Variants in MBOAT7 observed in about 807,000 individuals in gnomAD.
The protein encoded by MBOAT7 is membrane-bound acylglycerophosphatidylinositol O-acyltransferase MBOAT7.
Under a neutral mutation model 47.4 loss-of-function variants are expected in MBOAT7, and 40 were observed. The observed-to-expected ratio is 0.84, with a 90% CI of 0.66 to 1.10. The LOEUF (loss-of-function observed/expected upper bound fraction) is 1.10. Ranked by LOEUF, MBOAT7 falls within the 50% of genes least tolerant of loss-of-function variation. MBOAT7 has a pLI of 0.00. For synonymous variants in MBOAT7, 361 were observed against 292.0 expected, an observed-to-expected ratio of 1.24 and a Z score of -2.41; for missense variants, 680 against 655.6, an observed-to-expected ratio of 1.04 and a Z score of -0.41.
Position 54,188,455 on chromosome 19 carries a change from G to A in MBOAT7, c.54C>T (p.Ile18=). 6.4e-7 allele frequency: 1 copy of A among 1,557,916 alleles called. No homozygotes were observed. The highest frequency in any genetic ancestry group is 8.7e-7 in the Non-Finnish European group (1 of 1,149,950). The change falls in exon 2 of 8, where the codon ATC becomes ATT. Residue 18 remains isoleucine, a synonymous_variant. Coordinates refer to ENST00000245615, the MANE Select transcript of MBOAT7 (RefSeq NM_024298.5). ...CACCGGCTTTCTTAAAGAGGAAGCC[G>A]ATGGGGATGGAGATAAGAAGAACCA... ...YLVVLLISIP[I]GFLFKKAGPG...
intron 3 of MBOAT7, 79 bp downstream of exon 3, chr19:54,188,138 C>T (rs1272686553): frequency 7.0e-7 from 1 of 1,433,398 alleles, no homozygotes; most frequent in Non-Finnish European, 9.4e-7. Flanking sequence ...GAGGCAGAAG[C>T]TGAAAAAGAC....
At chr19:54,189,029 A>AC (rs1489227337) in intron 1 of MBOAT7, among the ~76,000 whole-genome samples, 1 of 103,376 alleles carries the variant, frequency 9.7e-6, no homozygotes, top group Non-Finnish European at 2.1e-5. Flanking sequence ...AGATATCCGG[A>AC]CCCCCCAGCC....
chr19:54,174,083 C>A lies in MBOAT7; in HGVS notation c.1380G>T (p.Gln460His). 1 of 1,606,484 alleles carries A rather than the reference C, an allele frequency of 6.2e-7. No homozygotes were observed. Among genetic ancestry groups the A allele is most frequent in the Non-Finnish European group, 8.5e-7 (1 of 1,177,348 alleles). The change falls in exon 8 of 8, where the codon CAG becomes CAT. Residue 460 changes from glutamine to histidine, a missense_variant. Coordinates refer to ENST00000245615, the MANE Select transcript of MBOAT7 (RefSeq NM_024298.5). ...GCTTCTCCGGGGCAAGGCTGGTGGG[C>A]TGGGATGCTGCCTTCCGCCGGCTGG... is the stretch of plus-strand genomic sequence containing the variant. ...GSPSRRKAAS[Q>H]PTSLAPEKLR... is the part of the protein sequence containing the mutation.
Position 54,174,416 on chromosome 19 carries a change from C to T in MBOAT7, c.1047G>A (p.Met349Ile). The change falls in exon 8 of 8, where the codon ATG (methionine) becomes ATA (isoleucine). Residue 349 changes from methionine to isoleucine, a missense_variant. Physicochemically the swap from Met to Ile is conservative, Grantham distance 10. Coordinates refer to ENST00000245615, the MANE Select transcript of MBOAT7 (RefSeq NM_024298.5). ...RSYVLRSAWT[M>I]LLSAYWHGLH... ...GGCCGTGCCAGTAGGCGCTCAGCAG[C>T]ATGGTCCAGGCGCTCCTGAGGAGGA... The T allele has an allele frequency of 3.2e-6, 5 of 1,581,422 alleles. No individual in the cohort carries two copies. The highest frequency in any genetic ancestry group is 4.3e-6 in the Non-Finnish European group (5 of 1,163,518).
chr19:54,183,468 G>A (rs763642286), intron 5 of MBOAT7, 53 bp downstream of exon 5: 60 of 1,580,238 alleles, frequency 3.8e-5, no homozygotes, highest in Non-Finnish European at 3.0e-5. Context: ...CACTCAGGGC[G>A]GAAGGGGACA....
chr19:54,178,641 AC>A, intron 7 of MBOAT7, 123 bp downstream of exon 7: 1 of 1,456,498 alleles, frequency 6.9e-7, no homozygotes, highest in South Asian at 1.4e-5. Context: ...ACCAGGCTAA[AC>A]AAACTACAAT....
At position 54,183,554 on chromosome 19, in the gene MBOAT7, T is replaced by C. The variant is rs1172237268; in HGVS notation, c.460A>G (p.Ser154Gly). 6.2e-7 allele frequency: 1 copy of C among 1,608,276 alleles called. No individual in the cohort carries two copies. Among genetic ancestry groups the C allele is most frequent in the South Asian group, 1.1e-5 (1 of 89,884 alleles). ...ATTCCCACGTAGCAGTAGCTGTAGC[T>C]GAGTGTCTCCATCAGGGAGGGCACG... ...PDVPSLMETL[S>G]YSYCYVGIMT... Residue 154 changes from serine to glycine, a missense_variant, in exon 5 of 8, where the codon AGC (serine) becomes GGC (glycine). Physicochemically the swap from Ser to Gly is moderately conservative, Grantham distance 56. Transcript: ENST00000245615.
intron 7 of MBOAT7, 195 bp downstream of exon 7, chr19:54,178,570 C>T: frequency 4.9e-6 from 7 of 1,426,004 alleles, no homozygotes; most frequent in Non-Finnish European, 6.4e-6. Flanking sequence ...GCAACTGAGG[C>T]CCCGAGAGGG....
At position 54,188,199 on chromosome 19, in the gene MBOAT7, C is replaced by T. The variant is rs759244938; in HGVS notation, c.206+18G>A. On this transcript the variant is annotated intron_variant, in intron 3 of 7. Transcript: ENST00000245615. ...CCTCTCCCCTCCTCTCCCTCTCCTCCCTCCACCAAATTCTCACCAGGGCTG... is the reference window on the plus strand; with the variant it reads ...CCTCTCCCCTCCTCTCCCTCTCCTCTCTCCACCAAATTCTCACCAGGGCTG... The T allele has an allele frequency of 6.3e-6, 10 of 1,588,550 alleles. No individual in the cohort carries two copies. The South Asian group carries it at 7.9e-5, about 13-fold the overall frequency.
chr19:54,180,752 G>T lies in MBOAT7; in HGVS notation c.854+21C>A. ...GGTGGGGGCTGCTGGGTCTTGGGAA[G>T]CCTCCCTCGCGCCGCCTGACCTGCT... On this transcript the variant is annotated intron_variant, in intron 6 of 7. Transcript: ENST00000245615. The surrounding 1 kb of genome is among the most constrained non-coding windows in gnomAD (Gnocchi z 5.2). The T allele has an allele frequency of 6.7e-7, 1 of 1,484,916 alleles. No homozygotes were observed. The highest frequency in any genetic ancestry group is 8.9e-7 in the Non-Finnish European group (1 of 1,125,192). 92.0% of individuals were successfully genotyped at this position (1,484,916 alleles called of 1,614,324 possible). A position where few individuals can be genotyped will look rare whatever the true frequency, so the allele number is the denominator to read the frequency against.
At chr19:54,175,120 C>T (rs535276599) in intron 7 of MBOAT7, among the ~76,000 whole-genome samples, 23 of 151,920 alleles carry the variant, frequency 1.5e-4, no homozygotes, top group Middle Eastern at 3.4e-3. Flanking sequence ...GGACTACAGG[C>T]GCCTGCCACC....
intron 1 of MBOAT7, among the ~76,000 whole-genome samples, chr19:54,188,927 G>A (rs751344288): frequency 2.0e-5 from 3 of 151,474 alleles, no homozygotes; most frequent in Non-Finnish European, 4.4e-5. Context: ...CGACAGCCCA[G>A]GAATCTAGAC....
At position 54,180,693 on chromosome 19, in the gene MBOAT7, C is replaced by G. The variant is rs1182802201; in HGVS notation, c.854+80G>C. On this transcript the variant is annotated intron_variant, in intron 6 of 7. Transcript: ENST00000245615. The surrounding 1 kb of genome is among the most constrained non-coding windows in gnomAD (Gnocchi z 5.2). ...TGGCCCTGGCCCCTTGCTCCCCGCT[C>G]TCCTCCCGGCTAGGGGCAGAGCCAG... The G allele has an allele frequency of 3.7e-6, 5 of 1,354,736 alleles. No homozygotes were observed. Among genetic ancestry groups the G allele is most frequent in the African/African-American group, 1.5e-5 (1 of 67,296 alleles). The allele number at this position is 1,354,736 out of a possible 1,614,324, so 83.9% of individuals were successfully genotyped here. A position where few individuals can be genotyped will look rare whatever the true frequency, so the allele number is the denominator to read the frequency against.
At position 54,178,902 on chromosome 19, in the gene MBOAT7, G is replaced by A; in HGVS notation, c.894C>T (p.Thr298=). The change falls in exon 7 of 8, where the codon ACC becomes ACT. Residue 298 remains threonine (T), a synonymous_variant. Coordinates refer to ENST00000245615, the MANE Select transcript of MBOAT7 (RefSeq NM_024298.5). The part of the protein sequence containing the change: ...KAASLEYDYE[T]IRNIDCYSTD... ...TGCTGTAGCAGTCGATGTTGCGGAT[G>A]GTCTCATAGTCATACTCCAAGGAAG... 6.2e-7 allele frequency: 1 copy of A among 1,613,450 alleles called. No homozygotes were observed.
chr19:54,183,654 C>T lies in MBOAT7; in HGVS notation c.360G>A (p.Gln120=). The T allele has an allele frequency of 1.3e-6, 2 of 1,588,412 alleles. No homozygotes were observed. The highest frequency in any genetic ancestry group is 1.7e-6 in the Non-Finnish European group (2 of 1,168,020). Residue 120 remains glutamine (Q), a synonymous_variant, in exon 5 of 8, where the codon CAG becomes CAA. Transcript: ENST00000245615. ...CCTTCCTCTGGGCCAGATGCAGGTC[C>T]TGGACTTCACTGGCCAGGCTCACCA... is the stretch of plus-strand genomic sequence containing the variant. The part of the protein sequence containing the change: ...LKLVSLASEV[Q]DLHLAQRKEM...
At position 54,177,900 on chromosome 19, in the gene MBOAT7, G is replaced by GTTTTTTT. The variant is rs761565984; in HGVS notation, c.1031+858_1031+864dup. Among the ~76,000 whole-genome samples the GTTTTTTT allele has an allele frequency of 7.4e-3, 564 of 75,916 alleles. 132 individuals carry two copies. The highest frequency in any genetic ancestry group is 0.014 in the South Asian group (28 of 2,050). 49.8% of individuals were successfully genotyped at this position (75,916 alleles called of 152,430 possible). ...ATGCCTGGCTATGAGTTCTACTTCT[G>GTTTTTTT]TTTTTTTTTTTTTTTTTTTTTTTTT... On this transcript the variant is annotated intron_variant, in intron 7 of 7. Coordinates refer to ENST00000245615, the MANE Select transcript of MBOAT7 (RefSeq NM_024298.5).
chr19:54,185,640 T>C (rs2076408802), intron 4 of MBOAT7, among the ~76,000 whole-genome samples: 1 of 152,132 alleles, frequency 6.6e-6, no homozygotes, highest in Non-Finnish European at 1.5e-5. Flanking sequence ...CCATCCCATC[T>C]TGCCCTGTTC....
chr19:54,175,168 C>T (rs8111894), intron 7 of MBOAT7, among the ~76,000 whole-genome samples: 38,030 of 151,852 alleles, frequency 0.25, 5,318 homozygotes, highest in Non-Finnish European at 0.32. Context: ...TTAGTAGAGA[C>T]GGGGTTTCAC....
intron 7 of MBOAT7, among the ~76,000 whole-genome samples, chr19:54,177,173 A>ACTAATACTAATACTAATG (rs1555833518): frequency 1.3e-5 from 2 of 151,708 alleles, no homozygotes; most frequent in African/African-American, 4.8e-5. Context: ...TAATACTAAT[A>ACTAATACTAATACTAATG]CTAATACTAA....
Sources: allele counts gnomAD v4.1 joint callset (sites outside exome capture counted in the v4.1 genomes callset), GRCh38; gene constraint gnomAD v4.1.1; non-coding constraint Gnocchi (gnomAD v3.1); transcripts MANE v1.5; gene names NCBI Gene and HGNC (gene_info 2026-07-23, HGNC 2026-07-21).